Variants in DAZL observed in about 807,000 individuals in gnomAD.
The protein encoded by DAZL is deleted in azoospermia-like.
A neutral mutation model predicts 45.0 loss-of-function variants in DAZL; 4 were observed. The ratio of observed to expected loss-of-function variants is 0.09; its 90% CI spans 0.04 to 0.20. The LOEUF is 0.20. DAZL is among the 10% of genes least tolerant of loss of function. The pLI, the probability that DAZL is intolerant of heterozygous loss-of-function variation, is 1.00. For synonymous variants in DAZL, 122 were observed against 112.4 expected, an observed-to-expected ratio of 1.09 and a Z score of -0.54; for missense variants, 326 against 351.3, an observed-to-expected ratio of 0.93 and a Z score of 0.58.
rs765902884 is a variant in DAZL at position 16,592,200 on chromosome 3, TAGTA to T, written c.736-56_736-53del. On this transcript the variant is annotated intron_variant, in intron 9 of 10. Coordinates refer to ENST00000399444, the MANE Select transcript of DAZL (RefSeq NM_001351.4). ...TAAAGACGACTCTTTCACTCACTCTTAGTAAGGGTTTTTTTTTGATAGTTTAATG... is the reference window on the plus strand; with the variant it reads ...TAAAGACGACTCTTTCACTCACTCTTAGGGTTTTTTTTTGATAGTTTAATG... 102 of 1,597,336 alleles carry T rather than the reference TAGTA, an allele frequency of 6.4e-5. No homozygotes were observed. The African/African-American group carries it at 1.0e-3, about 16-fold the overall frequency.
At chr3:16,593,589 A>G (rs1311014232) in intron 9 of DAZL, 66 bp downstream of exon 9, 1 of 1,074,034 alleles carries the variant, frequency 9.3e-7, no homozygotes, top group Non-Finnish European at 1.4e-6. Context: ...ATTGCTTCTC[A>G]AAAAACCATT....
intron 1 of DAZL, among the ~76,000 whole-genome samples, chr3:16,603,429 A>G (rs1324130710): frequency 6.6e-6 from 1 of 151,954 alleles, no homozygotes; most frequent in African/African-American, 2.4e-5. Flanking sequence ...GCTCACTGCA[A>G]CCTGCCTCAC....
At chr3:16,589,332 G>A (rs1694484273) in intron 10 of DAZL, among the ~76,000 whole-genome samples, 1 of 152,166 alleles carries the variant, frequency 6.6e-6, no homozygotes, top group South Asian at 2.1e-4. Context: ...CTAAGCAAAT[G>A]AGTAATAACA....
chr3:16,600,558 T>C (rs1375561304), intron 1 of DAZL, among the ~76,000 whole-genome samples: 1 of 152,228 alleles, frequency 6.6e-6, no homozygotes, highest in East Asian at 1.9e-4. Context: ...TTAAGCTGCG[T>C]ATCTTGAACT....
In DAZL at chr3:16,605,251, G is replaced by C. The variant is rs374894961; in HGVS notation, c.-46C>G. The C allele has an allele frequency of 7.1e-5, 115 of 1,613,466 alleles. No individual in the cohort carries two copies. In the South Asian group the frequency reaches 1.0e-3, roughly 14 times the overall value. ...CCCGACCGGCTCCAGGAGGAGCAGA[G>C]GCTGTGCTTGGCGCACCACTTCTGG... On this transcript the variant is annotated 5_prime_UTR_variant, in exon 1 of 11. Coordinates refer to ENST00000399444, the MANE Select transcript of DAZL (RefSeq NM_001351.4).
Position 16,605,229 on chromosome 3 carries a change from G to A in DAZL, c.-24C>T, listed in dbSNP as rs748917645. The A allele has an allele frequency of 4.3e-6, 7 of 1,614,036 alleles. No individual in the cohort carries two copies. The highest frequency in any genetic ancestry group is 2.2e-5 in the East Asian group (1 of 44,884). On this transcript the variant is annotated 5_prime_UTR_variant, in exon 1 of 11. Coordinates refer to ENST00000399444, the MANE Select transcript of DAZL (RefSeq NM_001351.4). ...ATGATGGCGGCAGGCAGCAGTTCCC[G>A]ACCGGCTCCAGGAGGAGCAGAGGCT...
At chr3:16,600,806 A>T (rs1694678928) in intron 1 of DAZL, among the ~76,000 whole-genome samples, 2 of 152,232 alleles carry the variant, frequency 1.3e-5, no homozygotes, top group Admixed American at 6.5e-5. Flanking sequence ...ATTTTAATTT[A>T]GAAGTGTAAC....
At chr3:16,602,883 CTACT>C (rs1694713905) in intron 1 of DAZL, among the ~76,000 whole-genome samples, 1 of 152,144 alleles carries the variant, frequency 6.6e-6, no homozygotes, top group Admixed American at 6.5e-5. Flanking sequence ...CTCCTTATTA[CTACT>C]ATGTATTTTT....
chr3:16,596,839 G>C lies in DAZL; in HGVS notation c.409C>G (p.Pro137Ala). 1 of 1,613,880 alleles carries C rather than the reference G, an allele frequency of 6.2e-7. No homozygotes were observed. Among genetic ancestry groups the C allele is most frequent in the Non-Finnish European group, 8.5e-7 (1 of 1,179,774 alleles). Reference protein sequence around the residue: ...RPLVFNHPPPPQFQNVWTNPN... With the variant: ...RPLVFNHPPPAQFQNVWTNPN... ...TTAGTCCAGACATTCTGAAACTGTGGTGGAGGAGGATGATTAAAAACCAAA... is the reference window on the plus strand; with the variant it reads ...TTAGTCCAGACATTCTGAAACTGTGCTGGAGGAGGATGATTAAAAACCAAA... Residue 137 changes from proline (P) to alanine (A), a missense_variant, in exon 6 of 11, where the codon CCA becomes GCA. Physicochemically the swap from Pro to Ala is conservative, Grantham distance 27. Around this residue, in one of 3 missense-constraint regions of DAZL, gnomAD observed 227 missense variants for 216.6 expected, o/e 1.05. Transcript: ENST00000399444.
rs762903741 is a variant in DAZL at position 16,592,067 on chromosome 3, G to C, written c.817C>G (p.Gln273Glu). ...ATTCATACCTTGAAGTAGTCATCTT[G>C]AGTAACAACAGAGTTTCTCAGTCTG... ...ENRLRNSVVT[Q>E]DDYFKDKRVH... The change falls in exon 10 of 11, where the codon CAA becomes GAA. Residue 273 changes from glutamine to glutamate, a missense_variant. This residue lies in a region of DAZL where 227 missense variants were observed against 216.6 expected (regional missense o/e 1.05). Coordinates refer to ENST00000399444, the MANE Select transcript of DAZL (RefSeq NM_001351.4). The C allele has an allele frequency of 5.0e-6, 8 of 1,613,418 alleles. No individual in the cohort carries two copies. The highest frequency in any genetic ancestry group is 6.8e-6 in the Non-Finnish European group (8 of 1,179,496).
At chr3:16,590,203 A>AT (rs1694496129) in intron 10 of DAZL, among the ~76,000 whole-genome samples, 1 of 129,154 alleles carries the variant, frequency 7.7e-6, no homozygotes, top group African/African-American at 2.5e-5. Context: ...TCTTTTCTAA[A>AT]TTATACTATC....
intron 1 of DAZL, among the ~76,000 whole-genome samples, chr3:16,603,582 A>C (rs1013668903): frequency 3.9e-5 from 6 of 152,100 alleles, no homozygotes; most frequent in Non-Finnish European, 8.8e-5. Context: ...CCTGACCTCA[A>C]GTGATCCACC....
chr3:16,598,787 CT>C (rs367758271), intron 1 of DAZL, among the ~76,000 whole-genome samples, 189 bp from the exon 2 acceptor site: 28,421 of 136,520 alleles, frequency 0.21, 3,494 homozygotes, highest in African/African-American at 0.39. Flanking sequence ...GGATATAGTA[CT>C]TTTTTTTTTT....
chr3:16,596,871 G>C lies in DAZL; in HGVS notation c.377C>G (p.Pro126Arg). ...KQNLCAYHVQ[P>R]RPLVFNHPPP... is the part of the protein sequence containing the mutation. ...AGGATGATTAAAAACCAAAGGACGT[G>C]GCTGCACATGATAAGCACCTTTTTG... Residue 126 changes from proline (P) to arginine (R), a missense_variant, in exon 6 of 11, where the codon CCA (proline) becomes CGA (arginine). Physicochemically the swap from Pro to Arg is moderately radical, Grantham distance 103. Around this residue, in one of 3 missense-constraint regions of DAZL, gnomAD observed 227 missense variants for 216.6 expected, o/e 1.05. Transcript: ENST00000399444. 1 of 1,613,770 alleles carries C rather than the reference G, an allele frequency of 6.2e-7. No individual in the cohort carries two copies. The highest frequency in any genetic ancestry group is 1.1e-5 in the South Asian group (1 of 91,072).
In DAZL at chr3:16,589,509, A is replaced by C. The variant is rs1419269782; in HGVS notation, c.835-796T>G. Among the ~76,000 whole-genome samples the C allele has an allele frequency of 7.2e-5, 11 of 152,332 alleles. No individual in the cohort carries two copies. The East Asian group carries it at 2.1e-3, about 29-fold the overall frequency. On this transcript the variant is annotated intron_variant, in intron 10 of 10. Coordinates refer to ENST00000399444, the MANE Select transcript of DAZL (RefSeq NM_001351.4). ...ACTGGTCACCAACATGTATCTTCAC[A>C]GGTCACGCAGGAAACAAGATTATGA...
intron 1 of DAZL, chr3:16,604,364 G>T (rs77110037): frequency 7.8e-7 from 1 of 1,289,294 alleles, no homozygotes; most frequent in Non-Finnish European, 1.1e-6. Flanking sequence ...AAAGGATCCT[G>T]GTTTATCGAG....
Position 16,588,364 on chromosome 3 carries a change from T to A in DAZL, c.*296A>T, listed in dbSNP as rs1194677673. On this transcript the variant is annotated 3_prime_UTR_variant, in exon 11 of 11. Transcript: ENST00000399444. Reference sequence around the variant, plus strand: ...TTAAAAACATTTTTTTGAAAATCAGTATTTGCTTTTAAACACTTAAAATGC... The same window carrying A: ...TTAAAAACATTTTTTTGAAAATCAGAATTTGCTTTTAAACACTTAAAATGC... 2.9e-6 allele frequency: 1 copy of A among 341,446 alleles called. No homozygotes were observed. The highest frequency in any genetic ancestry group is 5.6e-6 in the Non-Finnish European group (1 of 178,824). The allele number at this position is 341,446 out of a possible 1,614,324, so 21.2% of individuals were successfully genotyped here.
Position 16,605,411 on chromosome 3 carries a change from G to C in DAZL, c.-206C>G, listed in dbSNP as rs1297630923. On this transcript the variant is annotated 5_prime_UTR_variant, in exon 1 of 11. Coordinates refer to ENST00000399444, the MANE Select transcript of DAZL (RefSeq NM_001351.4). ...GAAAGGCGGACCGTCAGGCTGAGGAGCGCAGGCGGACTGAGGCGTGGTCCG... is the reference window on the plus strand; with the variant it reads ...GAAAGGCGGACCGTCAGGCTGAGGACCGCAGGCGGACTGAGGCGTGGTCCG... The C allele has an allele frequency of 4.5e-6, 3 of 662,042 alleles. No homozygotes were observed. The highest frequency in any genetic ancestry group is 5.4e-6 in the Non-Finnish European group (2 of 370,468). 41.0% of individuals were successfully genotyped at this position (662,042 alleles called of 1,614,324 possible). A position where few individuals can be genotyped will look rare whatever the true frequency, so the allele number is the denominator to read the frequency against.
intron 1 of DAZL, 27 bp downstream of exon 1, chr3:16,605,176 G>A (rs1380681693): frequency 6.2e-7 from 1 of 1,613,994 alleles, no homozygotes; most frequent in African/African-American, 1.3e-5. Context: ...CGCCAGCCTT[G>A]CCCCTCGGGC....
Sources: gnomAD v4.1 joint callset for allele counts (sites outside exome capture counted in the v4.1 genomes callset) on GRCh38, gnomAD v4.1.1 for gene constraint, gnomAD v4.1.1 regional missense constraint, MANE v1.5 for transcripts, NCBI Gene and HGNC (gene_info 2026-07-23, HGNC 2026-07-21) for gene names.